Variants in TCF12 observed in about 807,000 individuals in gnomAD.
TCF12 encodes DNA-binding protein HTF4.
Under a neutral mutation model 86.0 loss-of-function variants are expected in TCF12, and 45 were observed. The ratio of observed to expected loss-of-function variants is 0.52; its 90% CI spans 0.41 to 0.67. The LOEUF (loss-of-function observed/expected upper bound fraction) is 0.67. Among genes scored for constraint, TCF12 ranks in the 30% least tolerant of loss-of-function variants. The pLI, the probability that TCF12 is intolerant of heterozygous loss-of-function variation, is 0.00. For missense variants in TCF12, 881 were observed against 859.9 expected, an observed-to-expected ratio of 1.02 and a Z score of -0.31; for synonymous variants, 330 against 299.6, an observed-to-expected ratio of 1.10 and a Z score of -1.05.
chr15:56,959,759 T>C (rs1460098817), intron 3 of TCF12, among the ~76,000 whole-genome samples: 1 of 152,172 alleles, frequency 6.6e-6, no homozygotes, highest in Non-Finnish European at 1.5e-5. Flanking sequence ...TTTGTTAAAA[T>C]GGTTCTATTT....
intron 4 of TCF12, among the ~76,000 whole-genome samples, chr15:57,076,683 C>T (rs553264312): frequency 7.3e-5 from 11 of 151,702 alleles, no homozygotes; most frequent in Non-Finnish European, 1.5e-4. Flanking sequence ...AACTTTTTCC[C>T]ACATTTTTTT....
intron 3 of TCF12, among the ~76,000 whole-genome samples, chr15:57,007,928 CTTTG>C (rs568929162): frequency 1.1e-4 from 13 of 118,740 alleles, no homozygotes; most frequent in Admixed American, 5.5e-4. Context: ...TTCTTTGTTT[CTTTG>C]TTTCTTTCTT....
chr15:57,264,855 G>C (rs1158572874), intron 18 of TCF12, among the ~76,000 whole-genome samples: 1 of 152,020 alleles, frequency 6.6e-6, no homozygotes, highest in African/African-American at 2.4e-5. Context: ...TCAGCCTCCA[G>C]AGTAGCTGGG....
At chr15:57,180,805 A>ATTTTT (rs1567578539) in intron 6 of TCF12, among the ~76,000 whole-genome samples, 2 of 107,700 alleles carry the variant, frequency 1.9e-5, no homozygotes, top group African/African-American at 4.3e-5. Context: ...TGATGCTAAT[A>ATTTTT]ATTTTTTTTT....
chr15:57,260,426 T>C (rs1260289769), intron 16 of TCF12, among the ~76,000 whole-genome samples: 1 of 152,228 alleles, frequency 6.6e-6, no homozygotes, highest in Non-Finnish European at 1.5e-5. Context: ...ATAAAATGTT[T>C]CACATGTATA....
At chr15:57,063,660 C>A in intron 3 of TCF12, 90 bp from the exon 4 acceptor site, 1 of 1,004,974 alleles carries the variant, frequency 1.0e-6, no homozygotes. Context: ...GCGCAAATAC[C>A]ACTTGCTAAA....
chr15:57,262,120 C>T lies in TCF12; in HGVS notation c.1494C>T (p.Val498=). 6.2e-7 allele frequency: 1 copy of T among 1,613,154 alleles called. No individual in the cohort carries two copies. The highest frequency in any genetic ancestry group is 8.5e-7 in the Non-Finnish European group (1 of 1,179,414). Residue 498 remains valine (V), a synonymous_variant, in exon 17 of 21, where the codon GTC becomes GTT. Transcript: ENST00000333725. ...SMVGTHREDS[V]SLNGNHSVLS... is the part of the protein sequence containing the mutation. ...TTGGAACTCATCGGGAAGACTCTGT[C>T]AGTCTCAATGGCAATCATTCAGTCC...
intron 3 of TCF12, among the ~76,000 whole-genome samples, chr15:56,964,293 C>A (rs1262949718): frequency 2.6e-5 from 4 of 152,152 alleles, no homozygotes; most frequent in Admixed American, 6.5e-5. Context: ...AGATAAAAAT[C>A]ATTACAAATT....
intron 18 of TCF12, among the ~76,000 whole-genome samples, chr15:57,269,492 G>A (rs150804802): frequency 0.014 from 2,044 of 148,386 alleles, 50 homozygotes; most frequent in African/African-American, 0.044. Flanking sequence ...CACACTGATG[G>A]GTCTTCACTC....
chr15:57,226,208 C>CTT (rs374164938), intron 8 of TCF12, among the ~76,000 whole-genome samples: 1 of 137,600 alleles, frequency 7.3e-6, no homozygotes, highest in Non-Finnish European at 1.6e-5. Flanking sequence ...TTGACCTAGA[C>CTT]TTTTTTTTTT....
chr15:57,076,514 G>A (rs766278854), intron 4 of TCF12, among the ~76,000 whole-genome samples: 37 of 151,892 alleles, frequency 2.4e-4, no homozygotes, highest in Admixed American at 1.4e-3. Context: ...TTTGCTGGGC[G>A]TGGTGGCAGG....
At chr15:56,955,953 C>G (rs1231217755) in intron 3 of TCF12, among the ~76,000 whole-genome samples, 1 of 152,126 alleles carries the variant, frequency 6.6e-6, no homozygotes, top group Admixed American at 6.5e-5. Context: ...TATATGTACT[C>G]TTCATCAGGT....
intron 3 of TCF12, among the ~76,000 whole-genome samples, chr15:56,930,363 A>T (rs569896993): frequency 6.6e-6 from 1 of 152,218 alleles, no homozygotes; most frequent in Non-Finnish European, 1.5e-5. Flanking sequence ...CTGAGCTTAT[A>T]TGGGCACTTG....
intron 16 of TCF12, among the ~76,000 whole-genome samples, chr15:57,259,082 T>A (rs964497276): frequency 7.2e-5 from 11 of 152,292 alleles, no homozygotes; most frequent in African/African-American, 2.2e-4. Flanking sequence ...GGCAATTTTT[T>A]AAATTTTTAT....
Position 57,264,499 on chromosome 15 carries a change from C to G in TCF12, c.1745+1225C>G, listed in dbSNP as rs1467917804. On this transcript the variant is annotated intron_variant, in intron 18 of 20. Transcript: ENST00000333725. ...TACAGGCATGAGCCACCGCACCCGG[C>G]CTTTGTAAGCTTTTTCCTATTTTTA... 4.0e-5 allele frequency among the ~76,000 whole-genome samples: 6 copies of G among 151,798 alleles called. 1 individual carries two copies. The highest frequency in any genetic ancestry group is 8.8e-5 in the Non-Finnish European group (6 of 67,984).
intron 4 of TCF12, among the ~76,000 whole-genome samples, chr15:57,073,242 A>G (rs2069574452): frequency 6.6e-6 from 1 of 152,170 alleles, no homozygotes; most frequent in Non-Finnish European, 1.5e-5. Context: ...TTAATCTTCT[A>G]ACTGTTCAGA....
At chr15:57,265,446 T>TC (rs1314261479) in intron 18 of TCF12, among the ~76,000 whole-genome samples, 1 of 152,180 alleles carries the variant, frequency 6.6e-6, no homozygotes, top group Non-Finnish European at 1.5e-5. Context: ...GGATTGTTTC[T>TC]ACCTTGCTCC....
At position 57,231,233 on chromosome 15, in the gene TCF12, T is replaced by C. The variant is rs1222424029; in HGVS notation, c.661T>C (p.Phe221Leu). ...YPSPKPPTSM[F>L]ASTFFMQDGT... Reference sequence around the variant, plus strand: ...ATCTCCTAAGCCACCAACCAGTATGTTCGCTAGCACTTTCTTTATGCAAGG... The same window carrying C: ...ATCTCCTAAGCCACCAACCAGTATGCTCGCTAGCACTTTCTTTATGCAAGG... Residue 221 changes from phenylalanine (F) to leucine (L), a missense_variant, in exon 9 of 21, where the codon TTC (phenylalanine) becomes CTC (leucine). By Grantham distance (22) the Phe-to-Leu change is conservative. Around this residue, in one of 3 missense-constraint regions of TCF12, gnomAD observed 766 missense variants for 718.9 expected, o/e 1.07. Transcript: ENST00000333725. 1.2e-6 allele frequency: 2 copies of C among 1,612,748 alleles called. No individual in the cohort carries two copies. The highest frequency in any genetic ancestry group is 1.7e-6 in the Non-Finnish European group (2 of 1,178,910).
chr15:57,110,551 G>A (rs921805284), intron 5 of TCF12, among the ~76,000 whole-genome samples: 1 of 152,178 alleles, frequency 6.6e-6, no homozygotes, highest in Non-Finnish European at 1.5e-5. Context: ...TATGAATTTG[G>A]TTGAAAGTTA....
Sources: allele counts gnomAD v4.1 joint callset (sites outside exome capture counted in the v4.1 genomes callset), GRCh38; gene constraint gnomAD v4.1.1; regional missense constraint gnomAD v4.1.1; transcripts MANE v1.5; gene names NCBI Gene and HGNC (gene_info 2026-07-23, HGNC 2026-07-21).